CSMD1: variants seen among roughly 807,000 people sequenced by gnomAD.
The protein encoded by CSMD1 is CUB and Sushi multiple domains 1, also known as CUB and sushi domain-containing protein 1.
Under a neutral mutation model 417.5 loss-of-function variants are expected in CSMD1, and 213 were observed. The ratio of observed to expected loss-of-function variants is 0.51; its 90% CI spans 0.46 to 0.57. The LOEUF is 0.57. Ranked by LOEUF, CSMD1 falls within the 20% of genes least tolerant of loss-of-function variation. CSMD1 has a pLI of 0.00. For missense variants in CSMD1, 6,923 were observed against 4,529.7 expected (o/e 1.53, Z -15.17); for synonymous variants, 2,862 against 1,736.8 (o/e 1.65, Z -16.11).
chr8:3,732,754 A>G (rs1796333117), intron 6 of CSMD1, among the ~76,000 whole-genome samples: 1 of 152,194 alleles, frequency 6.6e-6, no homozygotes, highest in Non-Finnish European at 1.5e-5. Context: ...GATAAACTCA[A>G]TGCTTAATTA....
At chr8:4,578,979 C>A (rs1204316509) in intron 2 of CSMD1, among the ~76,000 whole-genome samples, 1 of 151,808 alleles carries the variant, frequency 6.6e-6, no homozygotes, top group African/African-American at 2.4e-5. Context: ...TAAACAGCAT[C>A]TTTTCATTAA....
intron 49 of CSMD1, among the ~76,000 whole-genome samples, chr8:3,085,069 C>T (rs564590419): frequency 1.3e-5 from 2 of 152,054 alleles, no homozygotes; most frequent in Admixed American, 6.5e-5. Flanking sequence ...TTAGTATTTG[C>T]GAGATTCTAT....
intron 1 of CSMD1, among the ~76,000 whole-genome samples, chr8:4,854,665 A>G (rs931163348): frequency 2.6e-4 from 40 of 152,126 alleles, no homozygotes; most frequent in Non-Finnish European, 5.9e-5. Flanking sequence ...CAGCACCTGG[A>G]AAATCGGGTC....
At chr8:3,504,312 T>A (rs1345382677) in intron 10 of CSMD1, among the ~76,000 whole-genome samples, 1 of 152,198 alleles carries the variant, frequency 6.6e-6, no homozygotes, top group Non-Finnish European at 1.5e-5. Context: ...AGTCTGGGCT[T>A]TGCTGCTTAC....
chr8:4,437,578 G>C (rs993226393), intron 2 of CSMD1, among the ~76,000 whole-genome samples: 1 of 152,148 alleles, frequency 6.6e-6, no homozygotes. Context: ...AGACTATCAG[G>C]TTTAAAATGT....
intron 7 of CSMD1, among the ~76,000 whole-genome samples, chr8:3,658,755 C>T (rs1428799870): frequency 2.0e-5 from 3 of 151,982 alleles, no homozygotes; most frequent in Non-Finnish European, 2.9e-5. Flanking sequence ...TGAACTTCAG[C>T]CTGGGTGACA....
intron 1 of CSMD1, among the ~76,000 whole-genome samples, chr8:4,651,107 G>A (rs765006098): frequency 3.8e-4 from 58 of 152,070 alleles, no homozygotes; most frequent in African/African-American, 8.7e-4. Context: ...GATGCCAAGC[G>A]AATGGCAGCA....
rs114507125 is a variant in CSMD1, at chr8:4,626,460, T to G, written c.302+10882A>C. On this transcript the variant is annotated intron_variant, in intron 2 of 69. Coordinates refer to ENST00000635120, the MANE Select transcript of CSMD1 (RefSeq NM_033225.6). ...CTGAACCTTCTGTTTGAGGGTTTAG[T>G]GTGAGATGGGTGCAACATTTGAGCT... Among the ~76,000 whole-genome samples, 537 of 152,166 alleles carry G rather than the reference T, an allele frequency of 3.5e-3. 7 individuals carry two copies. The highest frequency in any genetic ancestry group is 0.012 in the African/African-American group (509 of 41,512).
Position 4,646,858 on chromosome 8 carries a change from A to G in CSMD1, c.86-9300T>C, listed in dbSNP as rs549478462. 2.0e-5 allele frequency among the ~76,000 whole-genome samples: 3 copies of G among 152,364 alleles called. No homozygotes were observed. In the South Asian group the frequency reaches 6.2e-4, roughly 32 times the overall value. Reference sequence around the variant, plus strand: ...ATGAGGGTTTTTTGTTATGAAAATTATACAGATATGGAGACCTGAATCATG... The same window carrying G: ...ATGAGGGTTTTTTGTTATGAAAATTGTACAGATATGGAGACCTGAATCATG... On this transcript the variant is annotated intron_variant, in intron 1 of 69. Transcript: ENST00000635120.
chr8:4,239,946 T>C lies in CSMD1; in HGVS notation c.415+180007A>G, dbSNP rs1184908248. ...ATTAGTAAGTCATAACAAAAAATAA[T>C]GCACTTTTAAATCCAAACCTCTTTT... On this transcript the variant is annotated intron_variant, in intron 3 of 69. Transcript: ENST00000635120. Among the ~76,000 whole-genome samples, 3 of 152,174 alleles carry C rather than the reference T, an allele frequency of 2.0e-5. No individual in the cohort carries two copies. In the East Asian group the frequency reaches 5.8e-4, roughly 29 times the overall value.
chr8:3,806,806 A>G (rs1377433680), intron 5 of CSMD1, among the ~76,000 whole-genome samples: 2 of 152,254 alleles, frequency 1.3e-5, no homozygotes, highest in Non-Finnish European at 2.9e-5. Flanking sequence ...GGTGCAGCAT[A>G]GTTCAGAACT....
At chr8:4,238,896 G>A (rs1034751411) in intron 3 of CSMD1, among the ~76,000 whole-genome samples, 2 of 152,166 alleles carry the variant, frequency 1.3e-5, no homozygotes, top group African/African-American at 4.8e-5. Flanking sequence ...GCTTTTTTGA[G>A]TTTCTAGGTT....
intron 11 of CSMD1, among the ~76,000 whole-genome samples, chr8:3,477,884 C>T (rs1817520965): frequency 6.6e-6 from 1 of 152,134 alleles, no homozygotes; most frequent in Non-Finnish European, 1.5e-5. Context: ...TGTACCACTG[C>T]AGAGGGCCAG....
At chr8:3,770,018 C>A (rs990915043) in intron 5 of CSMD1, among the ~76,000 whole-genome samples, 41 of 152,088 alleles carry the variant, frequency 2.7e-4, no homozygotes, top group African/African-American at 9.7e-4. Context: ...TTTTTTAGAT[C>A]CGGCCAATTT....
chr8:3,443,970 G>A (rs1284563125), intron 12 of CSMD1, among the ~76,000 whole-genome samples: 1 of 152,164 alleles, frequency 6.6e-6, no homozygotes, highest in African/African-American at 2.4e-5. Flanking sequence ...CACTGGGTGA[G>A]GAAAGGACTA....
At chr8:4,629,004 T>G (rs1212387864) in intron 2 of CSMD1, among the ~76,000 whole-genome samples, 1 of 152,206 alleles carries the variant, frequency 6.6e-6, no homozygotes, top group East Asian at 1.9e-4. Flanking sequence ...TAAAATGTCA[T>G]TGTTTTTAAT....
At position 2,950,386 on chromosome 8, in the gene CSMD1, A is replaced by G. The variant is rs751709909; in HGVS notation, c.10202-43T>C. The G allele has an allele frequency of 2.5e-6, 3 of 1,180,096 alleles. No individual in the cohort carries two copies. In the African/African-American group the frequency reaches 4.5e-5, roughly 18 times the overall value. The allele number at this position is 1,180,096 out of a possible 1,614,324, so 73.1% of individuals were successfully genotyped here. ...GTTTAGGCTTACCTTGGAGAAAGTT[A>G]GTAATTCAGCCCTTTAATCCATTTG... On this transcript the variant is annotated intron_variant, in intron 66 of 69. Transcript: ENST00000635120.
intron 11 of CSMD1, among the ~76,000 whole-genome samples, chr8:3,486,893 T>G (rs1818068923): frequency 6.6e-6 from 1 of 152,132 alleles, no homozygotes; most frequent in Non-Finnish European, 1.5e-5. Flanking sequence ...CCACACAGGG[T>G]GTCCAGAGAG....
intron 3 of CSMD1, among the ~76,000 whole-genome samples, chr8:4,343,310 A>G (rs1290728049): frequency 6.6e-6 from 1 of 152,094 alleles, no homozygotes; most frequent in Non-Finnish European, 1.5e-5. Context: ...AAAGGGTACA[A>G]AATTTTAGTA....
Sources: gnomAD v4.1 joint callset for allele counts (sites outside exome capture counted in the v4.1 genomes callset) on GRCh38, gnomAD v4.1.1 for gene constraint, MANE v1.5 for transcripts, NCBI Gene and HGNC (gene_info 2026-07-23, HGNC 2026-07-21) for gene names.